Variants in ERC1 observed in about 807,000 individuals in gnomAD.
ERC1 encodes ELKS/RAB6-interacting/CAST family member 1.
In ERC1, 56 loss-of-function variants were observed where a neutral mutation model predicts 132.0. The observed-to-expected ratio is 0.42, with a 90% confidence interval of 0.34 to 0.53. The LOEUF is 0.53. ERC1 is among the 20% of genes least tolerant of loss of function. The pLI, the probability that ERC1 is intolerant of heterozygous loss-of-function variation, is 0.03. For synonymous variants in ERC1, 478 were observed against 476.1 expected (o/e 1.00, Z -0.05); for missense variants, 1,202 against 1,349.9 (o/e 0.89, Z 1.72).
chr12:1,464,451 C>T (rs1036499143), intron 18 of ERC1, among the ~76,000 whole-genome samples: 1 of 149,408 alleles, frequency 6.7e-6, no homozygotes, highest in Non-Finnish European at 1.5e-5. Flanking sequence ...AACATAAAAA[C>T]ATCCTGTTGT....
At chr12:997,177 T>G (rs1015066535) in intron 1 of ERC1, among the ~76,000 whole-genome samples, 1 of 152,220 alleles carries the variant, frequency 6.6e-6, no homozygotes, top group African/African-American at 2.4e-5. Flanking sequence ...TAGAAGCCTG[T>G]CAAGGGAAAT....
chr12:1,309,206 A>G (rs2081108549), intron 15 of ERC1, among the ~76,000 whole-genome samples: 1 of 152,348 alleles, frequency 6.6e-6, no homozygotes, highest in South Asian at 2.1e-4. Flanking sequence ...TCAAAAACTC[A>G]ATTTCGAAGA....
At chr12:1,349,819 T>G (rs1457884610) in intron 15 of ERC1, among the ~76,000 whole-genome samples, 1 of 152,200 alleles carries the variant, frequency 6.6e-6, no homozygotes, top group Admixed American at 6.5e-5. Context: ...ACACATAACC[T>G]TTACAACTGG....
intron 1 of ERC1, among the ~76,000 whole-genome samples, chr12:1,025,438 A>G (rs1403566557): frequency 1.3e-5 from 2 of 152,128 alleles, no homozygotes; most frequent in Admixed American, 6.5e-5. Flanking sequence ...TTTTATTTAC[A>G]GCATTTTTTG....
intron 8 of ERC1, among the ~76,000 whole-genome samples, chr12:1,166,094 T>A (rs1952397792): frequency 6.6e-6 from 1 of 152,164 alleles, no homozygotes; most frequent in Non-Finnish European, 1.5e-5. Flanking sequence ...TGTGAAGACA[T>A]GAGATTTGGG....
intron 17 of ERC1, among the ~76,000 whole-genome samples, chr12:1,418,900 A>G (rs2092311683): frequency 6.6e-6 from 1 of 151,682 alleles, no homozygotes; most frequent in African/African-American, 2.4e-5. Context: ...TTTTGGTAGA[A>G]GCAGGGTCTC....
chr12:1,118,101 T>G (rs1946650238), intron 7 of ERC1, among the ~76,000 whole-genome samples: 1 of 152,212 alleles, frequency 6.6e-6, no homozygotes, highest in Non-Finnish European at 1.5e-5. Flanking sequence ...TATTTTAAAA[T>G]GTAATAGCTT....
intron 12 of ERC1, among the ~76,000 whole-genome samples, chr12:1,196,261 C>T (rs1349602892): frequency 6.6e-6 from 1 of 152,070 alleles, no homozygotes. Context: ...CACCTCATCC[C>T]CCACCCAAAT....
intron 12 of ERC1, among the ~76,000 whole-genome samples, chr12:1,216,601 T>TGGGGGAGGAGGGATGGGGG (rs1555310913): frequency 1.2e-4 from 1 of 8,644 alleles, no homozygotes; most frequent in African/African-American, 2.4e-4. Context: ...CTTGGTGGGG[T>TGGGGGAGGAGGGATGGGGG]CGGGGAGGAG....
rs1452648782 is a variant in ERC1, at chr12:1,494,561, CAACT to C, written c.*4332_*4335del. On this transcript the variant is annotated 3_prime_UTR_variant, in exon 19 of 19. Coordinates refer to ENST00000360905, the MANE Select transcript of ERC1 (RefSeq NM_178040.4). Reference sequence around the variant, plus strand: ...GACTTTTTAGTGTCAAAAATGTAACCAACTGTCTCCTGATTTTTTCCAATGTGTT... The same window carrying C: ...GACTTTTTAGTGTCAAAAATGTAACCGTCTCCTGATTTTTTCCAATGTGTT... 2 of 231,096 alleles carry C rather than the reference CAACT, an allele frequency of 8.7e-6. No homozygotes were observed. Among genetic ancestry groups the C allele is most frequent in the African/African-American group, 4.4e-5 (2 of 45,206 alleles). 14.3% of individuals were successfully genotyped at this position (231,096 alleles called of 1,614,324 possible).
At chr12:1,050,141 G>A (rs1473845973) in intron 2 of ERC1, among the ~76,000 whole-genome samples, 2 of 152,174 alleles carry the variant, frequency 1.3e-5, no homozygotes, top group Non-Finnish European at 2.9e-5. Context: ...GGGGATACCC[G>A]TTCTGTGATG....
At chr12:1,315,923 ACT>A (rs1297747639) in intron 15 of ERC1, among the ~76,000 whole-genome samples, 1 of 150,700 alleles carries the variant, frequency 6.6e-6, no homozygotes, top group Non-Finnish European at 1.5e-5. Flanking sequence ...ACGGAGTCTC[ACT>A]CTGTCGCCCA....
chr12:1,170,581 T>A, intron 8 of ERC1, among the ~76,000 whole-genome samples: 1 of 152,208 alleles, frequency 6.6e-6, no homozygotes, highest in Non-Finnish European at 1.5e-5. Flanking sequence ...TTGAGCAATT[T>A]TAGCACAGGG....
intron 18 of ERC1, among the ~76,000 whole-genome samples, chr12:1,446,289 A>G (rs1018070365): frequency 1.3e-5 from 2 of 152,246 alleles, no homozygotes; most frequent in African/African-American, 2.4e-5. Context: ...CAGTACAGAC[A>G]TGGAAAGTGA....
intron 12 of ERC1, among the ~76,000 whole-genome samples, chr12:1,227,987 T>C (rs887403230): frequency 6.6e-6 from 1 of 152,218 alleles, no homozygotes; most frequent in African/African-American, 2.4e-5. Context: ...ATTTCTGGGT[T>C]TTCTATTCTG....
chr12:1,203,835 A>G (rs1235797277), intron 12 of ERC1: 2 of 152,296 alleles, frequency 1.3e-5, no homozygotes, highest in Non-Finnish European at 2.9e-5. Context: ...GCTAAGCAGC[A>G]TTGGAACTGA....
At chr12:1,163,959 G>A (rs561354610) in intron 8 of ERC1, among the ~76,000 whole-genome samples, 28 of 152,202 alleles carry the variant, frequency 1.8e-4, no homozygotes, top group African/African-American at 6.0e-4. Context: ...CAAGTGATCC[G>A]CCTGTCATGG....
chr12:1,183,440 C>A lies in ERC1; in HGVS notation c.2157+19C>A. On this transcript the variant is annotated intron_variant, in intron 11 of 18. Coordinates refer to ENST00000360905, the MANE Select transcript of ERC1 (RefSeq NM_178040.4). ...GAAAAAGGTTAAAGAAAAAATTTCA[C>A]ATTTTTTTGCTTTGCCTTAAATAAG... 6.5e-7 allele frequency: 1 copy of A among 1,541,574 alleles called. No individual in the cohort carries two copies. Among genetic ancestry groups the A allele is most frequent in the Non-Finnish European group, 8.8e-7 (1 of 1,130,750 alleles).
intron 2 of ERC1, among the ~76,000 whole-genome samples, chr12:1,062,342 G>A (rs1349694365): frequency 1.3e-5 from 2 of 151,746 alleles, no homozygotes; most frequent in East Asian, 1.9e-4. Flanking sequence ...GGCTGGTGTC[G>A]AACTCCTGAG....
Sources: allele counts gnomAD v4.1 joint callset (sites outside exome capture counted in the v4.1 genomes callset), GRCh38; gene constraint gnomAD v4.1.1; transcripts MANE v1.5; gene names NCBI Gene and HGNC (gene_info 2026-07-23, HGNC 2026-07-21).